C3orf70: variants seen among roughly 807,000 people sequenced by gnomAD.
C3orf70 encodes UPF0524 protein C3orf70.
C3orf70 carries 15 observed loss-of-function variants against 20.7 expected under a neutral mutation model. That is an observed-to-expected ratio of 0.72 (90% confidence interval 0.48 to 1.11). C3orf70 has a LOEUF of 1.11. C3orf70 is among the 50% of genes most tolerant of loss of function. The pLI is 0.00. For synonymous variants in C3orf70, 161 were observed against 125.7 expected (o/e 1.28, Z -1.88); for missense variants, 332 against 317.6 (o/e 1.05, Z -0.34).
In C3orf70 at chr3:185,109,100, G is replaced by A. The variant is rs550511332; in HGVS notation, c.197-25537C>T. ...AAAGAATGAATATCTCCCTAAAACAGCAGTTGCAAAAGCAGAAAGGGGGAG... is the reference window on the plus strand; with the variant it reads ...AAAGAATGAATATCTCCCTAAAACAACAGTTGCAAAAGCAGAAAGGGGGAG... On this transcript the variant is annotated intron_variant, in intron 1 of 1. Transcript: ENST00000335012. Among the ~76,000 whole-genome samples, 7 of 152,286 alleles carry A rather than the reference G, an allele frequency of 4.6e-5. No homozygotes were observed. The East Asian group carries it at 1.3e-3, about 29-fold the overall frequency.
rs1715323718 is a variant in C3orf70, at chr3:185,080,993, C to T, written c.*2014G>A. 2 of 152,088 alleles carry T rather than the reference C, an allele frequency of 1.3e-5. No homozygotes were observed. Among genetic ancestry groups the T allele is most frequent in the African/African-American group, 4.8e-5 (2 of 41,392 alleles). 9.4% of individuals were successfully genotyped at this position (152,088 alleles called of 1,614,324 possible). A position where few individuals can be genotyped will look rare whatever the true frequency, so the allele number is the denominator to read the frequency against. On this transcript the variant is annotated 3_prime_UTR_variant, in exon 2 of 2. Coordinates refer to ENST00000335012, the MANE Select transcript of C3orf70 (RefSeq NM_001025266.3). Reference sequence around the variant, plus strand: ...CTTCTAAACCATATAGATGTCTTGGCCATCTAAACCTAAAAAAAAGTTCTA... The same window carrying T: ...CTTCTAAACCATATAGATGTCTTGGTCATCTAAACCTAAAAAAAAGTTCTA...
At chr3:185,090,962 T>C (rs1715557063) in intron 1 of C3orf70, among the ~76,000 whole-genome samples, 1 of 152,156 alleles carries the variant, frequency 6.6e-6, no homozygotes, top group African/African-American at 2.4e-5. Flanking sequence ...GAACATATTG[T>C]AAAGCAAATC....
chr3:185,140,286 G>A (rs1412348182), intron 1 of C3orf70, among the ~76,000 whole-genome samples: 2 of 152,098 alleles, frequency 1.3e-5, no homozygotes, highest in African/African-American at 2.4e-5. Flanking sequence ...CTGCTAAGAG[G>A]ATGAAAAGAT....
intron 1 of C3orf70, among the ~76,000 whole-genome samples, chr3:185,084,201 G>A (rs995728913): frequency 4.0e-5 from 6 of 151,250 alleles, no homozygotes; most frequent in African/African-American, 1.2e-4. Flanking sequence ...AAACAACCAA[G>A]TTGTAAAACA....
At chr3:185,105,214 G>C (rs1306629584) in intron 1 of C3orf70, among the ~76,000 whole-genome samples, 1 of 152,238 alleles carries the variant, frequency 6.6e-6, no homozygotes, top group Non-Finnish European at 1.5e-5. Context: ...GTTGGGAGCA[G>C]GCCCCCCAAA....
intron 1 of C3orf70, among the ~76,000 whole-genome samples, chr3:185,110,832 A>G (rs1014486741): frequency 1.3e-5 from 2 of 152,336 alleles, no homozygotes; most frequent in Admixed American, 6.5e-5. Flanking sequence ...TTCATTTCCC[A>G]TAAGGGATAC....
chr3:185,119,759 C>T (rs781108991), intron 1 of C3orf70, among the ~76,000 whole-genome samples: 11 of 150,036 alleles, frequency 7.3e-5, no homozygotes, highest in South Asian at 2.1e-4. Context: ...GGTGCGGTGG[C>T]TCACGCCTGT....
chr3:185,152,088 T>A (rs183637112), intron 1 of C3orf70, among the ~76,000 whole-genome samples: 87 of 152,284 alleles, frequency 5.7e-4, no homozygotes, highest in Non-Finnish European at 1.0e-3. Flanking sequence ...TTGGAAGCAA[T>A]CCCTCCCACA....
chr3:185,100,739 A>G (rs1715804062), intron 1 of C3orf70, among the ~76,000 whole-genome samples: 1 of 151,908 alleles, frequency 6.6e-6, no homozygotes, highest in Non-Finnish European at 1.5e-5. Context: ...CCAAAACCTC[A>G]ATGGGTCCTG....
At chr3:185,117,553 T>A (rs1716207361) in intron 1 of C3orf70, among the ~76,000 whole-genome samples, 2 of 152,182 alleles carry the variant, frequency 1.3e-5, no homozygotes, top group South Asian at 4.1e-4. Context: ...ACCTATCATG[T>A]ATTACTTAGC....
chr3:185,096,732 C>T (rs1230130550), intron 1 of C3orf70, among the ~76,000 whole-genome samples: 1 of 152,132 alleles, frequency 6.6e-6, no homozygotes, highest in Non-Finnish European at 1.5e-5. Flanking sequence ...CTTGGCTTGG[C>T]CTAGTGATAA....
At chr3:185,084,309 C>T (rs1715416008) in intron 1 of C3orf70, among the ~76,000 whole-genome samples, 1 of 151,828 alleles carries the variant, frequency 6.6e-6, no homozygotes, top group Non-Finnish European at 1.5e-5. Context: ...GTAAGTTTAT[C>T]ATCAGAATTA....
chr3:185,106,499 C>G (rs1020849558), intron 1 of C3orf70, among the ~76,000 whole-genome samples: 8 of 152,200 alleles, frequency 5.3e-5, no homozygotes, highest in African/African-American at 9.7e-5. Flanking sequence ...AAAAAGAAAA[C>G]TGCTGAGCCT....
intron 1 of C3orf70, among the ~76,000 whole-genome samples, chr3:185,090,839 A>G (rs2108588274): frequency 6.6e-6 from 1 of 152,284 alleles, no homozygotes; most frequent in Admixed American, 6.5e-5. Flanking sequence ...TTGAGCTGTG[A>G]GGACGCTAAA....
chr3:185,124,473 G>A (rs1334713340), intron 1 of C3orf70, among the ~76,000 whole-genome samples: 5 of 152,178 alleles, frequency 3.3e-5, no homozygotes, highest in Non-Finnish European at 7.3e-5. Flanking sequence ...GGACAATGTG[G>A]CACTGGTGAA....
chr3:185,104,347 GA>G (rs1561340426), intron 1 of C3orf70, among the ~76,000 whole-genome samples: 3 of 152,146 alleles, frequency 2.0e-5, no homozygotes, highest in African/African-American at 7.2e-5. Flanking sequence ...AGGTTGCAGA[GA>G]AAAAGGAATG....
At position 185,091,265 on chromosome 3, in the gene C3orf70, C is replaced by T. The variant is rs188716845; in HGVS notation, c.197-7702G>A. On this transcript the variant is annotated intron_variant, in intron 1 of 1. Coordinates refer to ENST00000335012, the MANE Select transcript of C3orf70 (RefSeq NM_001025266.3). ...TAGAAGACAGAGACCGGTATTGTAG[C>T]AAGCAGAATGGCTCCAATGTATCAG... is the stretch of plus-strand genomic sequence containing the variant. Among the ~76,000 whole-genome samples, 66 of 152,104 alleles carry T rather than the reference C, an allele frequency of 4.3e-4. 1 individual carries two copies. Among genetic ancestry groups the T allele is most frequent in the Admixed American group, 4.3e-3 (66 of 15,276 alleles).
rs1257702197 is a variant in C3orf70 at position 185,077,846 on chromosome 3, A to AGTTATCAT, written c.*5153_*5160dup. ...AACCCAATGTAGCCAGAGTTCTGGG[A>AGTTATCAT]GTTATCATGAGTGGTGACTCTGAGT... On this transcript the variant is annotated 3_prime_UTR_variant, in exon 2 of 2. Coordinates refer to ENST00000335012, the MANE Select transcript of C3orf70 (RefSeq NM_001025266.3). 6.8e-6 allele frequency among the ~76,000 whole-genome samples: 1 copy of AGTTATCAT among 148,030 alleles called. No individual in the cohort carries two copies. Among genetic ancestry groups the AGTTATCAT allele is most frequent in the Non-Finnish European group, 1.5e-5 (1 of 67,640 alleles).
Position 185,152,461 on chromosome 3 carries a change from AG to A in C3orf70, c.196+166del, listed in dbSNP as rs1433538907. On this transcript the variant is annotated intron_variant, in intron 1 of 1. Transcript: ENST00000335012. ...GCGCCAACCCCAGCCGTCCGGCGCA[AG>A]GAAAGCTCCGGCGGGCCCGGAGCCC... Among the ~76,000 whole-genome samples, 4 of 152,124 alleles carry A rather than the reference AG, an allele frequency of 2.6e-5. No individual in the cohort carries two copies. The East Asian group carries it at 7.7e-4, about 29-fold the overall frequency.
Sources: gnomAD v4.1 joint callset for allele counts (sites outside exome capture counted in the v4.1 genomes callset) on GRCh38, gnomAD v4.1.1 for gene constraint, MANE v1.5 for transcripts, NCBI Gene and HGNC (gene_info 2026-07-23, HGNC 2026-07-21) for gene names.